The following RAB3C variants were observed in gnomAD, a reference collection of about 807,000 sequenced individuals.
RAB3C encodes RAB3C, member RAS oncogene family, also known as ras-related protein Rab-3C.
A neutral mutation model predicts 26.4 loss-of-function variants in RAB3C; 17 were observed. The ratio of observed to expected loss-of-function variants is 0.64; its 90% CI spans 0.44 to 0.97. The LOEUF is 0.97. RAB3C is among the 50% of genes least tolerant of loss of function. The pLI, the probability that RAB3C is intolerant of heterozygous loss-of-function variation, is 0.00. For missense variants in RAB3C, 242 were observed against 281.9 expected (o/e 0.86, Z 1.01); for synonymous variants, 91 against 95.9 (o/e 0.95, Z 0.30).
rs185738282 is a variant in RAB3C, at chr5:58,617,029, C to T, written c.25-614C>T. Among the ~76,000 whole-genome samples, 104 of 151,686 alleles carry T rather than the reference C, an allele frequency of 6.9e-4. 1 individual carries two copies. The highest frequency in any genetic ancestry group is 2.3e-3 in the African/African-American group (96 of 41,486). On this transcript the variant is annotated intron_variant, in intron 1 of 4. Transcript: ENST00000282878. ...TTTTAATATGGAAATATTAAAAGTACCCATCTCATTGGGTTACTGTGAGGG... is the reference window on the plus strand; with the variant it reads ...TTTTAATATGGAAATATTAAAAGTATCCATCTCATTGGGTTACTGTGAGGG...
chr5:58,721,841 T>TATACATTTAA (rs1740773178), intron 2 of RAB3C, among the ~76,000 whole-genome samples: 3 of 151,848 alleles, frequency 2.0e-5, no homozygotes, highest in Admixed American at 6.6e-5. Flanking sequence ...AAATGATAAA[T>TATACATTTAA]ATTACCAATT....
intron 2 of RAB3C, among the ~76,000 whole-genome samples, chr5:58,719,192 A>AC (rs1400158402): frequency 1.3e-5 from 2 of 152,052 alleles, no homozygotes; most frequent in African/African-American, 4.8e-5. Context: ...ATATCAAGCA[A>AC]CATTGCTCTG....
intron 2 of RAB3C, among the ~76,000 whole-genome samples, chr5:58,669,065 G>T (rs964039095): frequency 4.6e-5 from 7 of 151,984 alleles, no homozygotes; most frequent in Non-Finnish European, 8.8e-5. Context: ...CATCATGAGG[G>T]CTCCACCCCC....
rs145353931 is a variant in RAB3C at position 58,826,187 on chromosome 5, G to A, written c.496+1025G>A. On this transcript the variant is annotated intron_variant, in intron 4 of 4. Coordinates refer to ENST00000282878, the MANE Select transcript of RAB3C (RefSeq NM_138453.4). ...CAGAGAGGGCCCCCGGGGAGATCAG[G>A]TGTGGAAATGAATACACCAAGAGGA... Among the ~76,000 whole-genome samples the A allele has an allele frequency of 6.1e-3, 935 of 152,222 alleles. 10 individuals are homozygous for A. The highest frequency in any genetic ancestry group is 0.021 in the African/African-American group (876 of 41,542).
intron 3 of RAB3C, among the ~76,000 whole-genome samples, chr5:58,762,498 G>A (rs985277077): frequency 7.2e-5 from 11 of 152,108 alleles, no homozygotes; most frequent in Admixed American, 7.2e-4. Flanking sequence ...TTCAAAACTA[G>A]CCTGGCCAAC....
chr5:58,649,506 C>T (rs1353637404), intron 2 of RAB3C, among the ~76,000 whole-genome samples: 1 of 151,984 alleles, frequency 6.6e-6, no homozygotes, highest in Non-Finnish European at 1.5e-5. Flanking sequence ...CAAACCCTCA[C>T]TTAAGGCGAC....
chr5:58,814,228 A>G (rs1486042988), intron 3 of RAB3C, among the ~76,000 whole-genome samples: 1 of 152,058 alleles, frequency 6.6e-6, no homozygotes, highest in African/African-American at 2.4e-5. Context: ...TTTCCTGAAG[A>G]TTTCATCTCA....
chr5:58,701,572 A>G (rs1486867680), intron 2 of RAB3C, among the ~76,000 whole-genome samples: 1 of 152,090 alleles, frequency 6.6e-6, no homozygotes, highest in African/African-American at 2.4e-5. Flanking sequence ...AAACCACAAA[A>G]ATGTATTATC....
intron 3 of RAB3C, among the ~76,000 whole-genome samples, chr5:58,760,111 G>A (rs1036096047): frequency 2.6e-5 from 4 of 152,074 alleles, no homozygotes; most frequent in Non-Finnish European, 2.9e-5. Flanking sequence ...TCCCACTAAG[G>A]GACCATTGCC....
chr5:58,724,072 A>C (rs1430936609), intron 2 of RAB3C, among the ~76,000 whole-genome samples: 2 of 151,788 alleles, frequency 1.3e-5, no homozygotes, highest in Non-Finnish European at 2.9e-5. Flanking sequence ...CTGATTCCCA[A>C]ATTGAACTGT....
At chr5:58,681,221 A>T (rs1463633890) in intron 2 of RAB3C, among the ~76,000 whole-genome samples, 1 of 152,240 alleles carries the variant, frequency 6.6e-6, no homozygotes, top group Non-Finnish European at 1.5e-5. Context: ...TTATTTCATT[A>T]AAAAATTTAA....
At chr5:58,597,109 T>C (rs1746310603) in intron 1 of RAB3C, among the ~76,000 whole-genome samples, 1 of 4,160 alleles carries the variant, frequency 2.4e-4, no homozygotes, top group East Asian at 6.8e-3. Context: ...TATTATATAA[T>C]ATATATAATA....
In RAB3C at chr5:58,857,305, A is replaced by G. The variant is rs1022283950; in HGVS notation, c.*5954A>G. 4 of 152,144 alleles carry G rather than the reference A, an allele frequency of 2.6e-5. No homozygotes were observed. Among genetic ancestry groups the G allele is most frequent in the African/African-American group, 9.7e-5 (4 of 41,438 alleles). The allele number at this position is 152,144 out of a possible 1,614,324, so 9.4% of individuals were successfully genotyped here. A position where few individuals can be genotyped will look rare whatever the true frequency, so the allele number is the denominator to read the frequency against. On this transcript the variant is annotated 3_prime_UTR_variant, in exon 5 of 5. Coordinates refer to ENST00000282878, the MANE Select transcript of RAB3C (RefSeq NM_138453.4). ...CTACTTCAAAATACTTTTTTCTTAT[A>G]AAACCAAACATTTAGTATCTGGAAA...
At chr5:58,741,730 T>A (rs1362360351) in intron 3 of RAB3C, 4 of 151,876 alleles carry the variant, frequency 2.6e-5, no homozygotes, top group Non-Finnish European at 5.9e-5. Context: ...GTTGGCCAGG[T>A]GTGGTGGCTC....
chr5:58,774,833 A>G (rs1742093113), intron 3 of RAB3C, among the ~76,000 whole-genome samples: 1 of 152,182 alleles, frequency 6.6e-6, no homozygotes, highest in Admixed American at 6.5e-5. Context: ...GCACAAATCA[A>G]GAAGCAAAGG....
At chr5:58,650,847 G>A (rs927201837) in intron 2 of RAB3C, among the ~76,000 whole-genome samples, 1 of 152,076 alleles carries the variant, frequency 6.6e-6, no homozygotes, top group African/African-American at 2.4e-5. Flanking sequence ...GTACATTCCG[G>A]TAAGAAAATA....
intron 4 of RAB3C, among the ~76,000 whole-genome samples, chr5:58,826,555 T>C (rs1743486298): frequency 6.6e-6 from 1 of 152,080 alleles, no homozygotes; most frequent in African/African-American, 2.4e-5. Context: ...ACTTTTAACC[T>C]TTTTGGCCAG....
At chr5:58,659,524 C>T (rs1003020141) in intron 2 of RAB3C, among the ~76,000 whole-genome samples, 2 of 152,032 alleles carry the variant, frequency 1.3e-5, no homozygotes, top group African/African-American at 2.4e-5. Context: ...GACTTCATTG[C>T]TTTTCTAAGT....
chr5:58,742,164 A>G (rs1361437709), intron 3 of RAB3C, among the ~76,000 whole-genome samples: 3 of 152,036 alleles, frequency 2.0e-5, no homozygotes, highest in Non-Finnish European at 2.9e-5. Context: ...TGGCCCTCTC[A>G]ATACTTTTAT....
Sources: allele counts gnomAD v4.1 joint callset (sites outside exome capture counted in the v4.1 genomes callset), GRCh38; gene constraint gnomAD v4.1.1; transcripts MANE v1.5; gene names NCBI Gene and HGNC (gene_info 2026-07-23, HGNC 2026-07-21).